CACNA2D3: variants seen among roughly 807,000 people sequenced by gnomAD.
The protein encoded by CACNA2D3 is voltage-dependent calcium channel subunit alpha-2/delta-3.
In CACNA2D3, 60 loss-of-function variants were observed where a neutral mutation model predicts 160.6. The ratio of observed to expected loss-of-function variants is 0.37; its 90% CI spans 0.30 to 0.46. The LOEUF (loss-of-function observed/expected upper bound fraction) is 0.46. Among genes scored for constraint, CACNA2D3 ranks in the 20% least tolerant of loss-of-function variants. CACNA2D3 has a pLI of 1.00. For missense variants in CACNA2D3, 1,205 were observed against 1,365.0 expected, an observed-to-expected ratio of 0.88 and a Z score of 1.85; for synonymous variants, 558 against 492.9, an observed-to-expected ratio of 1.13 and a Z score of -1.75.
At chr3:54,600,376 A>G (rs925329858) in intron 9 of CACNA2D3, among the ~76,000 whole-genome samples, 3 of 152,204 alleles carry the variant, frequency 2.0e-5, no homozygotes, top group Non-Finnish European at 4.4e-5. Flanking sequence ...GAGGGAGAAG[A>G]TGATCCTCCA....
intron 17 of CACNA2D3, among the ~76,000 whole-genome samples, chr3:54,854,307 GA>G (rs1471198450): frequency 6.6e-6 from 1 of 152,212 alleles, no homozygotes; most frequent in Admixed American, 6.5e-5. Context: ...CTTCCTGACG[GA>G]ATTGGTGAGG....
At chr3:54,896,129 G>A (rs1329048523) in intron 25 of CACNA2D3, among the ~76,000 whole-genome samples, 6 of 152,178 alleles carry the variant, frequency 3.9e-5, no homozygotes, top group Non-Finnish European at 8.8e-5. Context: ...AAAGAAGACT[G>A]CACCTAGCCT....
At chr3:54,204,376 G>C (rs1272735433) in intron 2 of CACNA2D3, among the ~76,000 whole-genome samples, 2 of 72,448 alleles carry the variant, frequency 2.8e-5, no homozygotes, top group Non-Finnish European at 5.0e-5. Context: ...CTGTTTTCCG[G>C]AGAACCTTGG....
chr3:54,883,071 A>C (rs1242681626), intron 21 of CACNA2D3, among the ~76,000 whole-genome samples: 2 of 151,874 alleles, frequency 1.3e-5, no homozygotes, highest in Non-Finnish European at 2.9e-5. Context: ...CTGAGGCTGG[A>C]GTGCAATGGT....
At chr3:54,726,598 G>T (rs1275684929) in intron 11 of CACNA2D3, among the ~76,000 whole-genome samples, 3 of 152,154 alleles carry the variant, frequency 2.0e-5, no homozygotes, top group Non-Finnish European at 4.4e-5. Context: ...AGAGGCCTCG[G>T]AAATAACACC....
At chr3:54,341,622 T>G (rs1698344303) in intron 3 of CACNA2D3, among the ~76,000 whole-genome samples, 1 of 152,166 alleles carries the variant, frequency 6.6e-6, no homozygotes, top group Non-Finnish European at 1.5e-5. Flanking sequence ...TCCCCTTCTT[T>G]CAGAGCTCAA....
At chr3:54,515,822 C>A (rs1701541284) in intron 5 of CACNA2D3, among the ~76,000 whole-genome samples, 1 of 152,210 alleles carries the variant, frequency 6.6e-6, no homozygotes, top group African/African-American at 2.4e-5. Flanking sequence ...CCAAGGGTCA[C>A]ACTGGAAACT....
chr3:54,534,090 G>A (rs568373645), intron 5 of CACNA2D3, among the ~76,000 whole-genome samples: 2 of 152,166 alleles, frequency 1.3e-5, no homozygotes, highest in African/African-American at 4.8e-5. Flanking sequence ...CTCCTTGCAC[G>A]CTCTTCTGGT....
At chr3:54,291,550 A>T (rs898364930) in intron 2 of CACNA2D3, among the ~76,000 whole-genome samples, 1 of 152,060 alleles carries the variant, frequency 6.6e-6, no homozygotes, top group African/African-American at 2.4e-5. Context: ...TCTTTTTTTT[A>T]AAAAAGGTAA....
intron 9 of CACNA2D3, among the ~76,000 whole-genome samples, chr3:54,620,320 C>G (rs139485484): frequency 1.7e-3 from 259 of 152,224 alleles, no homozygotes; most frequent in African/African-American, 5.8e-3. Context: ...TTTAATTTTC[C>G]AGTGAGCTCG....
At chr3:54,410,419 C>CT (rs2106725187) in intron 4 of CACNA2D3, among the ~76,000 whole-genome samples, 1 of 152,176 alleles carries the variant, frequency 6.6e-6, no homozygotes, top group African/African-American at 2.4e-5. Flanking sequence ...AAAGCTCGGG[C>CT]TGACTCTCTT....
At chr3:54,393,617 C>G (rs939174705) in intron 4 of CACNA2D3, among the ~76,000 whole-genome samples, 6 of 152,234 alleles carry the variant, frequency 3.9e-5, no homozygotes, top group Non-Finnish European at 7.3e-5. Context: ...GAAGCAGCAC[C>G]CTGCATCCTG....
chr3:54,847,823 T>A (rs1365548412), intron 17 of CACNA2D3, among the ~76,000 whole-genome samples: 1 of 152,236 alleles, frequency 6.6e-6, no homozygotes, highest in Non-Finnish European at 1.5e-5. Flanking sequence ...ATCTCCAGGT[T>A]GCCCAGTTGG....
intron 2 of CACNA2D3, among the ~76,000 whole-genome samples, chr3:54,279,638 A>G (rs1575363522): frequency 6.6e-6 from 1 of 152,214 alleles, no homozygotes; most frequent in Admixed American, 6.5e-5. Flanking sequence ...GGAGAGCAGT[A>G]TGTAGTGCCA....
chr3:54,890,495 CA>C (rs34740812), intron 24 of CACNA2D3, among the ~76,000 whole-genome samples: 1,788 of 60,800 alleles, frequency 0.029, 8 homozygotes, highest in African/African-American at 0.058. Context: ...GACTCCGTCT[CA>C]AAAAAAAAAA....
Position 55,055,423 on chromosome 3 carries a change from A to G in CACNA2D3, c.2988-18022A>G, listed in dbSNP as rs568196303. On this transcript the variant is annotated intron_variant, in intron 35 of 37. Transcript: ENST00000474759. The stretch of plus-strand genomic sequence containing the variant: ...TAATAGATGTGTTTATTTCTTTGCC[A>G]GAATCATGCTGTTTTAATTACTATA... Among the ~76,000 whole-genome samples the G allele has an allele frequency of 6.1e-4, 93 of 152,170 alleles. 2 individuals are homozygous for G. Among genetic ancestry groups the G allele is most frequent in the Non-Finnish European group, 6.9e-4 (47 of 67,934 alleles).
chr3:54,611,265 T>C (rs1272524842), intron 9 of CACNA2D3, among the ~76,000 whole-genome samples: 1 of 152,220 alleles, frequency 6.6e-6, no homozygotes, highest in Non-Finnish European at 1.5e-5. Context: ...GGTTTAGCTG[T>C]GTTTTTGAGT....
chr3:54,316,171 A>T (rs1703856281), intron 2 of CACNA2D3, among the ~76,000 whole-genome samples: 1 of 152,074 alleles, frequency 6.6e-6, no homozygotes. Flanking sequence ...TATTTCCTGT[A>T]TTCTTTGACA....
intron 2 of CACNA2D3, among the ~76,000 whole-genome samples, chr3:54,288,927 A>G (rs902893626): frequency 1.3e-5 from 2 of 152,206 alleles, no homozygotes; most frequent in African/African-American, 2.4e-5. Context: ...TCTCAAAATA[A>G]TAAGAGCTAT....
Sources: allele counts gnomAD v4.1 joint callset (sites outside exome capture counted in the v4.1 genomes callset), GRCh38; gene constraint gnomAD v4.1.1; transcripts MANE v1.5; gene names NCBI Gene and HGNC (gene_info 2026-07-23, HGNC 2026-07-21).